The following KCNT2 variants were observed in gnomAD, a reference collection of about 807,000 sequenced individuals.
The protein encoded by KCNT2 is potassium channel subfamily T member 2.
Under a neutral mutation model 153.8 loss-of-function variants are expected in KCNT2, and 67 were observed. That is an observed-to-expected ratio of 0.44 (90% CI 0.36 to 0.53). The LOEUF (loss-of-function observed/expected upper bound fraction) is 0.53. Among genes scored for constraint, KCNT2 ranks in the 20% least tolerant of loss-of-function variants. The pLI is 0.00. For synonymous variants in KCNT2, 500 were observed against 458.8 expected, an observed-to-expected ratio of 1.09 and a Z score of -1.15; for missense variants, 975 against 1,354.8, an observed-to-expected ratio of 0.72 and a Z score of 4.40.
chr1:196,479,333 A>G lies in KCNT2; in HGVS notation c.325-95T>C, dbSNP rs888715527. On this transcript the variant is annotated intron_variant, in intron 4 of 27. Coordinates refer to ENST00000294725, the MANE Select transcript of KCNT2 (RefSeq NM_198503.5). ...ACTAACTTTATTTAAATATATGTGC[A>G]TGTATACATATATGGGTGTATAATA... The G allele has an allele frequency of 1.0e-5, 7 of 698,216 alleles. No individual in the cohort carries two copies. The East Asian group carries it at 1.4e-4, about 14-fold the overall frequency. The allele number at this position is 698,216 out of a possible 1,614,324, so 43.3% of individuals were successfully genotyped here. A position where few individuals can be genotyped will look rare whatever the true frequency, so the allele number is the denominator to read the frequency against.
At chr1:196,383,869 C>T (rs1475412200) in intron 13 of KCNT2, among the ~76,000 whole-genome samples, 2 of 152,096 alleles carry the variant, frequency 1.3e-5, no homozygotes, top group East Asian at 1.9e-4. Context: ...GTCTGAATCC[C>T]TTGCCTGTAA....
intron 13 of KCNT2, among the ~76,000 whole-genome samples, chr1:196,378,676 TAGAC>T (rs1669182459): frequency 6.7e-6 from 1 of 149,338 alleles, no homozygotes; most frequent in African/African-American, 2.4e-5. Flanking sequence ...TATATTTATA[TAGAC>T]AAACAACATT....
chr1:196,518,626 T>A (rs2148817076), intron 1 of KCNT2, among the ~76,000 whole-genome samples: 1 of 152,020 alleles, frequency 6.6e-6, no homozygotes, highest in African/African-American at 2.4e-5. Flanking sequence ...GAGGTTGCAA[T>A]GCTAATTTCA....
At chr1:196,296,511 G>T (rs949899972) in intron 22 of KCNT2, among the ~76,000 whole-genome samples, 1 of 151,914 alleles carries the variant, frequency 6.6e-6, no homozygotes, top group African/African-American at 2.4e-5. Flanking sequence ...TACATCTTGT[G>T]GAGAAATTTA....
In KCNT2 at chr1:196,228,335, T is replaced by C. The variant is rs1478425660; in HGVS notation, c.3297A>G (p.Val1099=). 4 of 1,557,796 alleles carry C rather than the reference T, an allele frequency of 2.6e-6. No homozygotes were observed. In the Admixed American group the frequency reaches 6.9e-5, roughly 27 times the overall value. ...CCAGTGGATCTGGTCGAATTAAGTA[T>C]CTAATAAAAGAAAACAAAATAAATA... ...PDTRIELNDV[V]YLIRPDPLAY... Residue 1099 remains valine (V), a splice_region_variant and synonymous_variant, in exon 28 of 28, where the codon GTA becomes GTG. Transcript: ENST00000294725.
chr1:196,341,570 A>G (rs182177763), intron 15 of KCNT2, among the ~76,000 whole-genome samples: 2 of 152,066 alleles, frequency 1.3e-5, no homozygotes, highest in East Asian at 3.9e-4. Context: ...ATATACATAC[A>G]TTTTTACTTC....
intron 5 of KCNT2, among the ~76,000 whole-genome samples, chr1:196,469,650 G>C (rs1677918418): frequency 6.6e-6 from 1 of 152,040 alleles, no homozygotes; most frequent in African/African-American, 2.4e-5. Flanking sequence ...CTCCTAATAA[G>C]ACATTAACAA....
At chr1:196,504,329 G>A (rs541854794) in intron 1 of KCNT2, among the ~76,000 whole-genome samples, 5 of 147,772 alleles carry the variant, frequency 3.4e-5, no homozygotes, top group East Asian at 4.1e-4. Flanking sequence ...GTGAGAACAT[G>A]CGGTGTTTGG....
chr1:196,246,338 T>C lies in KCNT2; in HGVS notation c.3212-10268A>G, dbSNP rs545950775. ...TTCCCAGTCAGACAAATCTGAGAGA[T>C]TTCATCAACACCAGACCTGCTATAA... On this transcript the variant is annotated intron_variant, in intron 26 of 27. Transcript: ENST00000294725. Among the ~76,000 whole-genome samples the C allele has an allele frequency of 3.9e-5, 6 of 152,232 alleles. No homozygotes were observed. In the East Asian group the frequency reaches 1.2e-3, roughly 29 times the overall value.
intron 14 of KCNT2, among the ~76,000 whole-genome samples, chr1:196,359,884 G>C (rs957059871): frequency 6.6e-6 from 1 of 151,784 alleles, no homozygotes; most frequent in African/African-American, 2.4e-5. Context: ...CAAGAGATAA[G>C]GATACAAAAA....
At chr1:196,346,165 T>C (rs1322830468) in intron 14 of KCNT2, among the ~76,000 whole-genome samples, 1 of 152,092 alleles carries the variant, frequency 6.6e-6, no homozygotes, top group Non-Finnish European at 1.5e-5. Flanking sequence ...TCCTCCATGA[T>C]TGGTACCAAT....
intron 17 of KCNT2, among the ~76,000 whole-genome samples, chr1:196,333,095 T>A (rs893571352): frequency 2.6e-5 from 3 of 116,110 alleles, no homozygotes; most frequent in African/African-American, 1.3e-4. Flanking sequence ...CAGCTGCAAG[T>A]TTTTTTTTTT....
At chr1:196,602,684 T>G (rs1340212414) in intron 1 of KCNT2, among the ~76,000 whole-genome samples, 2 of 152,028 alleles carry the variant, frequency 1.3e-5, no homozygotes, top group African/African-American at 2.4e-5. Flanking sequence ...ATGTCTGAAT[T>G]CTTAGTAGTG....
At chr1:196,387,290 T>C (rs1232472862) in intron 13 of KCNT2, among the ~76,000 whole-genome samples, 1 of 151,988 alleles carries the variant, frequency 6.6e-6, no homozygotes, top group African/African-American at 2.4e-5. Context: ...TGTTTTCAGT[T>C]CCTGTTAATT....
At chr1:196,314,829 A>T (rs982037264) in intron 21 of KCNT2, among the ~76,000 whole-genome samples, 19 of 151,716 alleles carry the variant, frequency 1.3e-4, no homozygotes, top group Non-Finnish European at 5.9e-5. Context: ...AGTGATAATT[A>T]TACTGCTAGT....
chr1:196,552,766 A>G (rs902068741), intron 1 of KCNT2, among the ~76,000 whole-genome samples: 2 of 151,444 alleles, frequency 1.3e-5, no homozygotes, highest in African/African-American at 4.8e-5. Flanking sequence ...GGTAAAAAGC[A>G]GGGAAATATA....
chr1:196,358,729 CA>C (rs1191322573), intron 14 of KCNT2, among the ~76,000 whole-genome samples: 1 of 151,820 alleles, frequency 6.6e-6, no homozygotes, highest in African/African-American at 2.4e-5. Context: ...AAGTAACACC[CA>C]ACCTTAGCTA....
chr1:196,574,825 A>G, intron 1 of KCNT2, among the ~76,000 whole-genome samples: 1 of 151,934 alleles, frequency 6.6e-6, no homozygotes, highest in East Asian at 1.9e-4. Flanking sequence ...CATACATAAG[A>G]AGGGTTTTTT....
intron 1 of KCNT2, among the ~76,000 whole-genome samples, chr1:196,534,571 T>A (rs1485453055): frequency 2.6e-5 from 4 of 152,126 alleles, no homozygotes; most frequent in African/African-American, 7.2e-5. Flanking sequence ...AATTTAGCAT[T>A]AAGTGGAACA....
Sources: gnomAD v4.1 joint callset for allele counts (sites outside exome capture counted in the v4.1 genomes callset) on GRCh38, gnomAD v4.1.1 for gene constraint, MANE v1.5 for transcripts, NCBI Gene and HGNC (gene_info 2026-07-23, HGNC 2026-07-21) for gene names.